The following EPHB1 variants were observed in gnomAD, a reference collection of about 807,000 sequenced individuals.
The protein encoded by EPHB1 is ephrin type-B receptor 1.
Under a neutral mutation model 94.4 loss-of-function variants are expected in EPHB1, and 30 were observed. The observed-to-expected ratio is 0.32, with a 90% CI of 0.24 to 0.43. The LOEUF (loss-of-function observed/expected upper bound fraction) is 0.43, where lower values mean the gene tolerates loss of function less well. Among genes scored for constraint, EPHB1 ranks in the 20% least tolerant of loss-of-function variants. EPHB1 has a pLI of 1.00. For synonymous variants in EPHB1, 522 were observed against 489.1 expected (o/e 1.07, Z -0.89); for missense variants, 1,055 against 1,308.3 (o/e 0.81, Z 2.99).
chr3:135,052,541 G>A (rs1937198590), intron 3 of EPHB1, among the ~76,000 whole-genome samples: 1 of 151,938 alleles, frequency 6.6e-6, no homozygotes, highest in Non-Finnish European at 1.5e-5. Context: ...CCAAGGATCA[G>A]CTTTCTTTCT....
Position 135,227,429 on chromosome 3 carries a change from T to C in EPHB1, c.2347-13719T>C, listed in dbSNP as rs919950393. On this transcript the variant is annotated intron_variant, in intron 12 of 15. Transcript: ENST00000398015. ...CTGTGTGTGTGTGTATGCATATGTG[T>C]ATTTTTTGTGTATACATTTTACTCT... Among the ~76,000 whole-genome samples, 8 of 152,358 alleles carry C rather than the reference T, an allele frequency of 5.3e-5. No individual in the cohort carries two copies. In the East Asian group the frequency reaches 1.3e-3, roughly 26 times the overall value.
At chr3:135,239,605 G>A (rs780940098) in intron 12 of EPHB1, among the ~76,000 whole-genome samples, 3 of 152,226 alleles carry the variant, frequency 2.0e-5, no homozygotes, top group Non-Finnish European at 4.4e-5. Context: ...GGTCATATTT[G>A]CTATAGGGAG....
intron 6 of EPHB1, 67 bp from the exon 7 acceptor site, chr3:135,161,951 G>T: frequency 6.6e-7 from 1 of 1,508,848 alleles, no homozygotes; most frequent in Non-Finnish European, 9.0e-7. Flanking sequence ...AATACTCCAG[G>T]GTGGAGTGGG....
chr3:135,092,212 T>C (rs2107791892), intron 3 of EPHB1, among the ~76,000 whole-genome samples: 1 of 152,216 alleles, frequency 6.6e-6, no homozygotes, highest in South Asian at 2.1e-4. Context: ...AGGGGACAGT[T>C]GGGGATTCCC....
intron 3 of EPHB1, among the ~76,000 whole-genome samples, chr3:135,030,468 T>C (rs1936394101): frequency 6.6e-6 from 1 of 152,168 alleles, no homozygotes; most frequent in African/African-American, 2.4e-5. Context: ...TGCAGGTCTG[T>C]TGGAATACCC....
chr3:135,058,087 G>A (rs1281856903), intron 3 of EPHB1, among the ~76,000 whole-genome samples: 1 of 152,204 alleles, frequency 6.6e-6, no homozygotes, highest in Admixed American at 6.5e-5. Context: ...GGGGCCATGA[G>A]TCAGGTGGAC....
chr3:135,220,565 C>T (rs369377795), intron 12 of EPHB1, among the ~76,000 whole-genome samples: 4 of 149,950 alleles, frequency 2.7e-5, no homozygotes, highest in African/African-American at 7.3e-5. Context: ...CGCCTTTCCT[C>T]ATGGCCAGCT....
intron 1 of EPHB1, among the ~76,000 whole-genome samples, chr3:134,909,170 CAG>C (rs1315797270): frequency 6.6e-6 from 1 of 150,778 alleles, no homozygotes; most frequent in Non-Finnish European, 1.5e-5. Flanking sequence ...GGCTAGGAAA[CAG>C]AATGCTCAGG....
Position 135,106,612 on chromosome 3 carries a change from CT to C in EPHB1, c.961+10del. 6.2e-7 allele frequency: 1 copy of C among 1,613,868 alleles called. No homozygotes were observed. The highest frequency in any genetic ancestry group is 8.5e-7 in the Non-Finnish European group (1 of 1,179,788). On this transcript the variant is annotated intron_variant, in intron 4 of 15. Transcript: ENST00000398015. ...AGAAGTGGCATGCACTAGTAAGTGT[CT>C]AGTAATGGCTCTGGGCTGGGGAGTT...
At chr3:135,144,774 T>C (rs1482566239) in intron 5 of EPHB1, among the ~76,000 whole-genome samples, 1 of 152,138 alleles carries the variant, frequency 6.6e-6, no homozygotes, top group Non-Finnish European at 1.5e-5. Context: ...GCCCTCACTT[T>C]TTATCCCATT....
At chr3:135,159,724 A>G (rs1941456105) in intron 6 of EPHB1, among the ~76,000 whole-genome samples, 1 of 152,212 alleles carries the variant, frequency 6.6e-6, no homozygotes. Context: ...GGCCCAGTAG[A>G]CATCCCCTTC....
intron 3 of EPHB1, among the ~76,000 whole-genome samples, chr3:135,104,358 G>A (rs1361697564): frequency 2.0e-5 from 3 of 152,204 alleles, no homozygotes; most frequent in Admixed American, 6.5e-5. Context: ...GAGTCTCCTC[G>A]GATACTTTTG....
intron 4 of EPHB1, among the ~76,000 whole-genome samples, 178 bp from the exon 5 acceptor site, chr3:135,132,536 C>T (rs1189117067): frequency 1.3e-5 from 2 of 152,132 alleles, no homozygotes; most frequent in Non-Finnish European, 2.9e-5. Context: ...GACAAGTTGT[C>T]ATCTCTGTTC....
At chr3:134,869,808 A>G (rs2037461986) in intron 1 of EPHB1, among the ~76,000 whole-genome samples, 1 of 152,180 alleles carries the variant, frequency 6.6e-6, no homozygotes, top group Non-Finnish European at 1.5e-5. Context: ...TTATCATAGA[A>G]GCCACAGCTC....
At chr3:134,925,755 T>A in intron 1 of EPHB1, 61 bp from the exon 2 acceptor site, 1 of 1,426,142 alleles carries the variant, frequency 7.0e-7, no homozygotes, top group Admixed American at 2.2e-5. Context: ...TGAGGGCCAC[T>A]GTATAGCAAT....
chr3:134,881,343 C>A (rs563855927), intron 1 of EPHB1, among the ~76,000 whole-genome samples: 1 of 152,156 alleles, frequency 6.6e-6, no homozygotes, highest in Non-Finnish European at 1.5e-5. Flanking sequence ...CAGGACAAGA[C>A]ATGCAGGTAT....
At chr3:135,238,976 T>C (rs144820291) in intron 12 of EPHB1, among the ~76,000 whole-genome samples, 7 of 152,320 alleles carry the variant, frequency 4.6e-5, no homozygotes, top group African/African-American at 1.7e-4. Context: ...ATTCTTCACC[T>C]CTCTTCCCAG....
At chr3:135,038,376 T>G (rs1936714807) in intron 3 of EPHB1, among the ~76,000 whole-genome samples, 3 of 152,206 alleles carry the variant, frequency 2.0e-5, no homozygotes, top group African/African-American at 7.2e-5. Context: ...GCTTCCTCTT[T>G]GGTCAGTTCG....
chr3:134,925,523 C>T (rs2038773089), intron 1 of EPHB1, among the ~76,000 whole-genome samples: 1 of 152,188 alleles, frequency 6.6e-6, no homozygotes, highest in African/African-American at 2.4e-5. Context: ...AGTGGGTGCA[C>T]AGATGACTTC....
Sources: gnomAD v4.1 joint callset for allele counts (sites outside exome capture counted in the v4.1 genomes callset) on GRCh38, gnomAD v4.1.1 for gene constraint, MANE v1.5 for transcripts, NCBI Gene and HGNC (gene_info 2026-07-23, HGNC 2026-07-21) for gene names.